The following PARD3B variants were observed in gnomAD, a reference collection of about 807,000 sequenced individuals.
PARD3B encodes the protein partitioning defective 3 homolog B.
PARD3B carries 103 observed loss-of-function variants against 130.2 expected under a neutral mutation model. The ratio of observed to expected loss-of-function variants is 0.79; its 90% confidence interval spans 0.67 to 0.93. The LOEUF is 0.93. PARD3B is among the 40% of genes least tolerant of loss of function. The pLI is 0.00. For missense variants in PARD3B, 1,609 were observed against 1,499.2 expected (o/e 1.07, Z -1.21); for synonymous variants, 583 against 553.2 (o/e 1.05, Z -0.76).
At chr2:204,950,346 A>T (rs1161767224) in intron 2 of PARD3B, among the ~76,000 whole-genome samples, 4 of 152,236 alleles carry the variant, frequency 2.6e-5, no homozygotes, top group African/African-American at 9.6e-5. Flanking sequence ...TATTGTATAG[A>T]TGAAATTGAA....
chr2:204,738,272 G>A (rs932705502), intron 2 of PARD3B, among the ~76,000 whole-genome samples: 7 of 151,944 alleles, frequency 4.6e-5, no homozygotes, highest in Admixed American at 3.3e-4. Context: ...TTCTCCTTGT[G>A]GAGATCTTTT....
intron 2 of PARD3B, among the ~76,000 whole-genome samples, chr2:204,843,007 G>C (rs981467439): frequency 6.6e-6 from 1 of 152,074 alleles, no homozygotes; most frequent in Non-Finnish European, 1.5e-5. Context: ...GAATCTCCTG[G>C]AGGGCTTATT....
chr2:204,976,185 C>T (rs898635572), intron 3 of PARD3B, among the ~76,000 whole-genome samples: 1 of 152,056 alleles, frequency 6.6e-6, no homozygotes, highest in Non-Finnish European at 1.5e-5. Context: ...AGCAAGTAGG[C>T]AATGGAATGT....
At chr2:205,433,720 G>T (rs1373878192) in intron 19 of PARD3B, among the ~76,000 whole-genome samples, 1 of 152,002 alleles carries the variant, frequency 6.6e-6, no homozygotes, top group Non-Finnish European at 1.5e-5. Flanking sequence ...GCCTGATCTA[G>T]AATTGCTTAC....
intron 21 of PARD3B, among the ~76,000 whole-genome samples, chr2:205,533,343 A>G (rs536159432): frequency 6.6e-6 from 1 of 152,326 alleles, no homozygotes; most frequent in East Asian, 1.9e-4. Flanking sequence ...GACAGAAGAC[A>G]AATAATGAAG....
At chr2:205,224,651 C>T (rs1165225038) in intron 15 of PARD3B, among the ~76,000 whole-genome samples, 1 of 150,084 alleles carries the variant, frequency 6.7e-6, no homozygotes, top group Non-Finnish European at 1.5e-5. Flanking sequence ...TTAGATCCCA[C>T]AAAAAAAGTG....
At chr2:204,815,267 T>C (rs2043104483) in intron 2 of PARD3B, among the ~76,000 whole-genome samples, 1 of 151,986 alleles carries the variant, frequency 6.6e-6, no homozygotes, top group Non-Finnish European at 1.5e-5. Context: ...AGTTTTTATC[T>C]TTCAATAAAT....
chr2:205,031,181 G>A (rs1454319684), intron 3 of PARD3B, among the ~76,000 whole-genome samples: 2 of 152,116 alleles, frequency 1.3e-5, no homozygotes, highest in African/African-American at 4.8e-5. Flanking sequence ...AATGTCACTG[G>A]CATATCTGAG....
chr2:205,124,840 G>A (rs2031192419), intron 9 of PARD3B, among the ~76,000 whole-genome samples: 1 of 152,164 alleles, frequency 6.6e-6, no homozygotes, highest in Non-Finnish European at 1.5e-5. Flanking sequence ...AACTTGGCCA[G>A]GACAAGCCAG....
chr2:205,198,365 G>A (rs142578625), intron 15 of PARD3B, among the ~76,000 whole-genome samples: 1 of 152,294 alleles, frequency 6.6e-6, no homozygotes, highest in East Asian at 1.9e-4. Flanking sequence ...AATGAAGATT[G>A]TTAACATTCC....
chr2:205,279,637 C>T (rs2041112378), intron 16 of PARD3B, among the ~76,000 whole-genome samples: 1 of 152,118 alleles, frequency 6.6e-6, no homozygotes, highest in Admixed American at 6.5e-5. Flanking sequence ...TGAGAGTCCT[C>T]CCCTAAAACT....
Position 205,300,627 on chromosome 2 carries a change from C to T in PARD3B, c.2283C>T (p.Asp761=). 2 of 1,613,934 alleles carry T rather than the reference C, an allele frequency of 1.2e-6. No individual in the cohort carries two copies. The highest frequency in any genetic ancestry group is 8.5e-7 in the Non-Finnish European group (1 of 1,180,012). Residue 761 remains aspartate (D), a synonymous_variant, in exon 17 of 23, where the codon GAC becomes GAT. Coordinates refer to ENST00000406610, the MANE Select transcript of PARD3B (RefSeq NM_001302769.2). The surrounding 1 kb of genome is among the most constrained non-coding windows in gnomAD (Gnocchi z 4.1). ...QTAVAEVRKN[D]LPFHRPRPHM... is the part of the protein sequence containing the mutation. ...CAGTGGCCGAGGTCAGGAAGAATGA[C>T]CTTCCCTTTCACAGGCCCCGGCCGC...
chr2:205,152,901 C>G (rs2033859660), intron 10 of PARD3B, among the ~76,000 whole-genome samples: 1 of 152,148 alleles, frequency 6.6e-6, no homozygotes, highest in Admixed American at 6.5e-5. Context: ...GTTTTATCTA[C>G]CTTTGGTCTT....
intron 10 of PARD3B, among the ~76,000 whole-genome samples, chr2:205,156,060 C>T (rs866762706): frequency 1.1e-3 from 170 of 152,094 alleles, no homozygotes; most frequent in African/African-American, 3.7e-3. Flanking sequence ...GGCACATATA[C>T]ACCATGGAAT....
intron 4 of PARD3B, among the ~76,000 whole-genome samples, chr2:205,074,934 G>A (rs530023053): frequency 1.3e-5 from 2 of 152,062 alleles, no homozygotes; most frequent in Non-Finnish European, 2.9e-5. Flanking sequence ...TTGCATTGTT[G>A]GTGTATTGTT....
At chr2:204,722,112 G>C (rs2039024267) in intron 2 of PARD3B, among the ~76,000 whole-genome samples, 1 of 152,074 alleles carries the variant, frequency 6.6e-6, no homozygotes, top group African/African-American at 2.4e-5. Flanking sequence ...AAAATCAGTA[G>C]GATACCACAA....
chr2:205,150,254 C>CGT (rs1559487004), intron 10 of PARD3B, among the ~76,000 whole-genome samples: 1 of 80,872 alleles, frequency 1.2e-5, no homozygotes, highest in Non-Finnish European at 2.8e-5. Flanking sequence ...TGTGTGTGTG[C>CGT]ACACACGCTT....
intron 15 of PARD3B, among the ~76,000 whole-genome samples, chr2:205,221,191 A>G (rs1383480861): frequency 6.6e-6 from 1 of 152,188 alleles, no homozygotes; most frequent in Non-Finnish European, 1.5e-5. Context: ...AGCTGGAGGT[A>G]GCTTTGGCCA....
chr2:204,749,082 T>G (rs952678211), intron 2 of PARD3B, among the ~76,000 whole-genome samples: 14 of 152,054 alleles, frequency 9.2e-5, no homozygotes, highest in Non-Finnish European at 2.1e-4. Flanking sequence ...TGCAGGGAAT[T>G]TTTGTCCCCC....
Sources: allele counts gnomAD v4.1 joint callset (sites outside exome capture counted in the v4.1 genomes callset), GRCh38; gene constraint gnomAD v4.1.1; non-coding constraint Gnocchi (gnomAD v3.1); transcripts MANE v1.5; gene names NCBI Gene and HGNC (gene_info 2026-07-23, HGNC 2026-07-21).